Variants in TUBGCP4 observed in about 807,000 individuals in gnomAD.
TUBGCP4 encodes the protein tubulin gamma complex component 4, also known as gamma-tubulin complex component 4.
A neutral mutation model predicts 91.6 loss-of-function variants in TUBGCP4; 54 were observed. The observed-to-expected ratio is 0.59, with a 90% CI of 0.47 to 0.74. TUBGCP4 has a LOEUF of 0.74. TUBGCP4 is among the 30% of genes least tolerant of loss of function. The pLI is 0.00. For synonymous variants in TUBGCP4, 297 were observed against 302.8 expected, an observed-to-expected ratio of 0.98 and a Z score of 0.20; for missense variants, 593 against 800.9, an observed-to-expected ratio of 0.74 and a Z score of 3.13.
intron 15 of TUBGCP4, chr15:43,402,215 G>T (rs2044698359): frequency 5.3e-6 from 1 of 188,018 alleles, no homozygotes; most frequent in Non-Finnish European, 1.1e-5. Context: ...AGGAGGCAGA[G>T]GTTGCAGTGA....
At position 43,407,036 on chromosome 15, in the gene TUBGCP4, A is replaced by C. The variant is rs774304918; in HGVS notation, c.*1822A>C. ...TTTCTGCAAGCATAGCATTTTAGAC[A>C]CCCTGGAATAACCTTTTGGGAATGA... On this transcript the variant is annotated 3_prime_UTR_variant, in exon 18 of 18. Transcript: ENST00000564079. 1.2e-5 allele frequency: 3 copies of C among 245,670 alleles called. No homozygotes were observed. The highest frequency in any genetic ancestry group is 2.4e-5 in the Non-Finnish European group (3 of 124,986). The allele number at this position is 245,670 out of a possible 1,614,324, so 15.2% of individuals were successfully genotyped here.
rs1189350793 is a variant in TUBGCP4, at chr15:43,405,469, T to C, written c.*255T>C. On this transcript the variant is annotated 3_prime_UTR_variant, in exon 18 of 18. Coordinates refer to ENST00000564079, the MANE Select transcript of TUBGCP4 (RefSeq NM_014444.5). ...TTACATTGAGAACATTTGTTGGATA[T>C]GTTCATTTATTCAATAGTCATTTAT... 1 of 562,178 alleles carries C rather than the reference T, an allele frequency of 1.8e-6. No homozygotes were observed. The highest frequency in any genetic ancestry group is 3.2e-6 in the Non-Finnish European group (1 of 315,624). 34.8% of individuals were successfully genotyped at this position (562,178 alleles called of 1,614,324 possible). A position where few individuals can be genotyped will look rare whatever the true frequency, so the allele number is the denominator to read the frequency against.
In TUBGCP4 at chr15:43,407,155, A is replaced by G; in HGVS notation, c.*1941A>G. On this transcript the variant is annotated 3_prime_UTR_variant, in exon 18 of 18. Transcript: ENST00000564079. ...GCCTGTTGAAAGACTCAGAGAAAGT[A>G]CTATGTCTTGTCATTTGTTCTGAGA... 2 of 510,050 alleles carry G rather than the reference A, an allele frequency of 3.9e-6. No homozygotes were observed. Among genetic ancestry groups the G allele is most frequent in the South Asian group, 5.0e-5 (2 of 40,140 alleles). 31.6% of individuals were successfully genotyped at this position (510,050 alleles called of 1,614,324 possible).
chr15:43,382,160 C>T (rs2044293995), intron 6 of TUBGCP4, among the ~76,000 whole-genome samples: 1 of 150,722 alleles, frequency 6.6e-6, no homozygotes, highest in African/African-American at 2.4e-5. Context: ...TGCAGTGAGC[C>T]ATGATCGTGC....
chr15:43,389,174 A>G (rs1249862495), intron 9 of TUBGCP4, among the ~76,000 whole-genome samples: 1 of 152,214 alleles, frequency 6.6e-6, no homozygotes, highest in Non-Finnish European at 1.5e-5. Flanking sequence ...TTGGTACTTC[A>G]ACAAAAGGTT....
chr15:43,371,109 C>T lies in TUBGCP4; in HGVS notation c.-246C>T, dbSNP rs557704076. Reference sequence around the variant, plus strand: ...GGCAGCGACCGCGACTCAGTCTCCGCAGAGCCCGGGCGGGAGTAGCTGGTG... The same window carrying T: ...GGCAGCGACCGCGACTCAGTCTCCGTAGAGCCCGGGCGGGAGTAGCTGGTG... On this transcript the variant is annotated 5_prime_UTR_variant, in exon 1 of 18. Transcript: ENST00000564079. 4 of 582,558 alleles carry T rather than the reference C, an allele frequency of 6.9e-6. No homozygotes were observed. Among genetic ancestry groups the T allele is most frequent in the African/African-American group, 5.6e-5 (3 of 53,488 alleles). The allele number at this position is 582,558 out of a possible 1,614,324, so 36.1% of individuals were successfully genotyped here.
At chr15:43,383,989 T>G (rs1427056056) in intron 7 of TUBGCP4, among the ~76,000 whole-genome samples, 1 of 152,158 alleles carries the variant, frequency 6.6e-6, no homozygotes, top group African/African-American at 2.4e-5. Context: ...TATTTTCATA[T>G]TTTTAGTAGA....
rs535367855 is a variant in TUBGCP4, at chr15:43,386,179, C to T, written c.890-27C>T. 7 of 1,595,642 alleles carry T rather than the reference C, an allele frequency of 4.4e-6. No individual in the cohort carries two copies. In the African/African-American group the frequency reaches 6.7e-5, roughly 15 times the overall value. The stretch of plus-strand genomic sequence containing the variant: ...ACTGTCCTGGGTATTCTCCGTCCTC[C>T]TTTGACGGTGTCTTCCTATTTTGCA... On this transcript the variant is annotated intron_variant, in intron 8 of 17. Transcript: ENST00000564079.
intron 7 of TUBGCP4, 183 bp from the exon 8 acceptor site, chr15:43,385,608 A>G (rs372462052): frequency 1.6e-6 from 1 of 620,788 alleles, no homozygotes; most frequent in Non-Finnish European, 2.8e-6. Flanking sequence ...CCACCATGCC[A>G]CTCTGCTGCC....
At chr15:43,377,754 G>C in intron 4 of TUBGCP4, 93 bp from the exon 5 acceptor site, 3 of 1,046,522 alleles carry the variant, frequency 2.9e-6, no homozygotes, top group Non-Finnish European at 4.3e-6. Context: ...TTTATCTTAA[G>C]TTGAACTATT....
At chr15:43,404,125 G>C in intron 16 of TUBGCP4, 6 of 510,366 alleles carry the variant, frequency 1.2e-5, no homozygotes, top group Non-Finnish European at 2.1e-5. Context: ...TTATCTGCTT[G>C]TAATCAAAAC....
In TUBGCP4 at chr15:43,400,241, T is replaced by C. The variant is rs1410351096; in HGVS notation, c.1596+20T>C. ...CTCCAGGTCTGTGCTAAGAGATGAGTAGAAGGAAGGGGTACGGAAAAACGT... is the reference window on the plus strand; with the variant it reads ...CTCCAGGTCTGTGCTAAGAGATGAGCAGAAGGAAGGGGTACGGAAAAACGT... On this transcript the variant is annotated intron_variant, in intron 14 of 17. Transcript: ENST00000564079. 2.5e-6 allele frequency: 4 copies of C among 1,606,748 alleles called. No homozygotes were observed. Among genetic ancestry groups the C allele is most frequent in the African/African-American group, 1.3e-5 (1 of 74,788 alleles).
chr15:43,394,592 A>G (rs2044548846), intron 9 of TUBGCP4: 1 of 152,658 alleles, frequency 6.6e-6, no homozygotes, highest in Non-Finnish European at 1.5e-5. Context: ...ATATGCTTGG[A>G]CCTGTGTCCC....
chr15:43,387,045 A>C (rs2044386342), intron 9 of TUBGCP4, among the ~76,000 whole-genome samples: 1 of 152,162 alleles, frequency 6.6e-6, no homozygotes, highest in South Asian at 2.1e-4. Context: ...ATTCTGACTA[A>C]ATTTTGTGTC....
Position 43,371,245 on chromosome 15 carries a change from G to T in TUBGCP4, c.-110G>T, listed in dbSNP as rs2044113335. The T allele has an allele frequency of 1.7e-6, 2 of 1,169,626 alleles. No individual in the cohort carries two copies. The highest frequency in any genetic ancestry group is 1.3e-5 in the South Asian group (1 of 75,742). The allele number at this position is 1,169,626 out of a possible 1,614,324, so 72.5% of individuals were successfully genotyped here. A position where few individuals can be genotyped will look rare whatever the true frequency, so the allele number is the denominator to read the frequency against. On this transcript the variant is annotated 5_prime_UTR_variant, in exon 1 of 18. Coordinates refer to ENST00000564079, the MANE Select transcript of TUBGCP4 (RefSeq NM_014444.5). ...TGGGTTGATTCGGCACAAACCGCCC[G>T]ACCCAGGGGCCGGTGCGCGTGTGGA...
chr15:43,400,754 A>G (rs1276331712), intron 14 of TUBGCP4, among the ~76,000 whole-genome samples: 1 of 152,098 alleles, frequency 6.6e-6, no homozygotes, highest in African/African-American at 2.4e-5. Flanking sequence ...CATCTCTACT[A>G]AAAATACAAA....
At chr15:43,403,221 C>G (rs928379632) in intron 15 of TUBGCP4, 5 of 153,128 alleles carry the variant, frequency 3.3e-5, no homozygotes, top group African/African-American at 1.2e-4. Flanking sequence ...AACACAGAGG[C>G]CTGAACAATT....
Position 43,385,949 on chromosome 15 carries a change from T to G in TUBGCP4, c.882T>G (p.Thr294=). The change falls in exon 8 of 18, where the codon ACT becomes ACG. Residue 294 remains threonine (T), a synonymous_variant. Transcript: ENST00000564079. ...TTGAGAATCAAAATGTGAACCTGACTAGAAAAGGTAGAAATCTCCTTGTCC... is the reference window on the plus strand; with the variant it reads ...TTGAGAATCAAAATGTGAACCTGACGAGAAAAGGTAGAAATCTCCTTGTCC... ...QMFENQNVNL[T]RKGSILKNQE... 6.2e-7 allele frequency: 1 copy of G among 1,613,924 alleles called. No homozygotes were observed. Among genetic ancestry groups the G allele is most frequent in the Admixed American group, 1.7e-5 (1 of 60,006 alleles).
intron 13 of TUBGCP4, chr15:43,399,176 T>A: frequency 8.1e-7 from 1 of 1,233,690 alleles, no homozygotes; most frequent in Non-Finnish European, 1.0e-6. Flanking sequence ...TACAAACAGG[T>A]AAATAAATCC....
Sources: gnomAD v4.1 joint callset for allele counts (sites outside exome capture counted in the v4.1 genomes callset) on GRCh38, gnomAD v4.1.1 for gene constraint, MANE v1.5 for transcripts, NCBI Gene and HGNC (gene_info 2026-07-23, HGNC 2026-07-21) for gene names.